Variants in PLCG2 observed in about 807,000 individuals in gnomAD.
PLCG2 encodes the protein 1-phosphatidylinositol 4,5-bisphosphate phosphodiesterase gamma-2.
Under a neutral mutation model 175.6 loss-of-function variants are expected in PLCG2, and 69 were observed. The observed-to-expected ratio is 0.39, with a 90% CI of 0.32 to 0.48. The LOEUF (loss-of-function observed/expected upper bound fraction) is 0.48, where lower values mean the gene tolerates loss of function less well. Among genes scored for constraint, PLCG2 ranks in the 20% least tolerant of loss-of-function variants. The pLI, the probability that PLCG2 is intolerant of heterozygous loss-of-function variation, is 0.91. For synonymous variants in PLCG2, 827 were observed against 624.0 expected (o/e 1.33, Z -4.85); for missense variants, 1,798 against 1,650.9 (o/e 1.09, Z -1.54).
At chr16:81,832,104 G>C (rs1371204610) in intron 2 of PLCG2, among the ~76,000 whole-genome samples, 1 of 151,190 alleles carries the variant, frequency 6.6e-6, no homozygotes, top group Non-Finnish European at 1.5e-5. Flanking sequence ...TTGATAAATG[G>C]AGGGGGGGAA....
intron 2 of PLCG2, among the ~76,000 whole-genome samples, chr16:81,837,534 A>T (rs2143410737): frequency 6.6e-6 from 1 of 152,344 alleles, no homozygotes; most frequent in African/African-American, 2.4e-5. Context: ...TGCTCTCCGC[A>T]GGGACCCCCG....
At chr16:81,847,875 G>C (rs1159908793) in intron 2 of PLCG2, among the ~76,000 whole-genome samples, 1 of 152,128 alleles carries the variant, frequency 6.6e-6, no homozygotes, top group East Asian at 1.9e-4. Flanking sequence ...CATCTATTTG[G>C]ATTTTGGTAT....
At chr16:81,957,017 G>T (rs2143781751) in intron 32 of PLCG2, 138 bp downstream of exon 32, 1 of 530,536 alleles carries the variant, frequency 1.9e-6, no homozygotes, top group Non-Finnish European at 2.9e-6. Flanking sequence ...GTGGCTCACA[G>T]GCCAGGCATG....
chr16:81,935,739 G>T, intron 26 of PLCG2: 7 of 985,258 alleles, frequency 7.1e-6, no homozygotes, highest in Non-Finnish European at 8.4e-6. Flanking sequence ...CACCCACATT[G>T]CAACCCTACC....
intron 2 of PLCG2, among the ~76,000 whole-genome samples, chr16:81,825,345 A>G (rs909291488): frequency 6.9e-6 from 1 of 145,142 alleles, no homozygotes; most frequent in Non-Finnish European, 1.5e-5. Context: ...CTGGAGTGCA[A>G]TGGCATGATC....
intron 7 of PLCG2, 112 bp downstream of exon 7, chr16:81,871,047 A>G: frequency 5.2e-6 from 3 of 575,102 alleles, no homozygotes; most frequent in South Asian, 4.7e-5. Context: ...CATTTTAGTC[A>G]AGGAAACATA....
intron 7 of PLCG2, 85 bp from the exon 8 acceptor site, chr16:81,880,825 G>T: frequency 8.1e-7 from 1 of 1,233,112 alleles, no homozygotes; most frequent in Non-Finnish European, 1.2e-6. Context: ...ACAAAATGAT[G>T]CTTTTTTAAC....
intron 1 of PLCG2, among the ~76,000 whole-genome samples, chr16:81,752,287 C>T (rs1909827788): frequency 6.6e-6 from 1 of 152,108 alleles, no homozygotes; most frequent in African/African-American, 2.4e-5. Context: ...GTTCCAGCTT[C>T]CCCAGGTGGA....
rs749786383 is a variant in PLCG2 at position 81,927,195 on chromosome 16, G to A, written c.2514+17G>A. 2.4e-5 allele frequency: 37 copies of A among 1,550,114 alleles called. No individual in the cohort carries two copies. The highest frequency in any genetic ancestry group is 1.8e-4 in the East Asian group (8 of 44,580). The stretch of plus-strand genomic sequence containing the variant: ...GAAAAGCAGGTGAGTCCCCCTCTTC[G>A]ATCCTCTTACAGGAAGAAGGGATCT... On this transcript the variant is annotated intron_variant, in intron 23 of 32. Coordinates refer to ENST00000564138, the MANE Select transcript of PLCG2 (RefSeq NM_002661.5).
chr16:81,759,999 G>C (rs575716878), intron 2 of PLCG2, among the ~76,000 whole-genome samples: 1 of 152,174 alleles, frequency 6.6e-6, no homozygotes, highest in Non-Finnish European at 1.5e-5. Flanking sequence ...GGTGGCGGGC[G>C]CCTGTAGTCC....
chr16:81,891,352 C>T (rs551124901), intron 10 of PLCG2, 120 bp from the exon 11 acceptor site: 61 of 697,700 alleles, frequency 8.7e-5, no homozygotes, highest in Non-Finnish European at 1.2e-4. Flanking sequence ...GTCTGGAGAC[C>T]GCCTGTTGAT....
intron 20 of PLCG2, 105 bp downstream of exon 20, chr16:81,919,769 T>G: frequency 1.2e-6 from 1 of 867,212 alleles, no homozygotes; most frequent in Admixed American, 2.3e-5. Context: ...ATGTATCTGA[T>G]ACTGCTGTAG....
chr16:81,836,607 G>A (rs1461157319), intron 2 of PLCG2, among the ~76,000 whole-genome samples: 2 of 152,170 alleles, frequency 1.3e-5, no homozygotes, highest in Admixed American at 6.5e-5. Context: ...CGGGCATGAT[G>A]GCACACTCCT....
chr16:81,953,171 C>T (rs1316683650), intron 31 of PLCG2, among the ~76,000 whole-genome samples: 1 of 152,164 alleles, frequency 6.6e-6, no homozygotes, highest in Non-Finnish European at 1.5e-5. Flanking sequence ...GGAAACCATA[C>T]AGATTGTAGG....
intron 2 of PLCG2, among the ~76,000 whole-genome samples, chr16:81,802,847 T>G (rs1484607659): frequency 6.6e-6 from 1 of 152,182 alleles, no homozygotes; most frequent in Non-Finnish European, 1.5e-5. Flanking sequence ...CAAAAGAAAT[T>G]AATACTTTTA....
At chr16:81,834,212 A>G (rs896003076) in intron 2 of PLCG2, among the ~76,000 whole-genome samples, 4 of 152,164 alleles carry the variant, frequency 2.6e-5, no homozygotes, top group African/African-American at 9.7e-5. Flanking sequence ...GGAGGATTAA[A>G]GAGATGTTGA....
chr16:81,803,535 CTTTT>C (rs1234048608), intron 2 of PLCG2, among the ~76,000 whole-genome samples: 19 of 146,688 alleles, frequency 1.3e-4, no homozygotes, highest in Non-Finnish European at 2.3e-4. Flanking sequence ...TCCTTTCTTT[CTTTT>C]CTTTCTTTCC....
intron 2 of PLCG2, among the ~76,000 whole-genome samples, chr16:81,846,660 A>C (rs1035672337): frequency 1.3e-5 from 2 of 152,258 alleles, no homozygotes; most frequent in South Asian, 4.1e-4. Flanking sequence ...GTCCATGTTC[A>C]TGGATAGGAA....
At chr16:81,936,404 G>C in intron 27 of PLCG2, 26 bp downstream of exon 27, 1 of 1,596,262 alleles carries the variant, frequency 6.3e-7, no homozygotes, top group Non-Finnish European at 8.6e-7. Context: ...AGGTAGTCCC[G>C]TCCCTGCAAG....
Sources: gnomAD v4.1 joint callset for allele counts (sites outside exome capture counted in the v4.1 genomes callset) on GRCh38, gnomAD v4.1.1 for gene constraint, MANE v1.5 for transcripts, NCBI Gene and HGNC (gene_info 2026-07-23, HGNC 2026-07-21) for gene names.